The following DGKG variants were observed in gnomAD, a reference collection of about 807,000 sequenced individuals.
The protein encoded by DGKG is DAG kinase gamma.
DGKG carries 78 observed loss-of-function variants against 105.3 expected under a neutral mutation model. The ratio of observed to expected loss-of-function variants is 0.74; its 90% CI spans 0.62 to 0.89. The LOEUF (loss-of-function observed/expected upper bound fraction) is 0.89. Ranked by LOEUF, DGKG falls within the 40% of genes least tolerant of loss-of-function variation. DGKG has a pLI of 0.00. For synonymous variants in DGKG, 346 were observed against 367.1 expected (o/e 0.94, Z 0.66); for missense variants, 958 against 1,020.1 (o/e 0.94, Z 0.83).
At chr3:186,205,192 G>A (rs1378779183) in intron 21 of DGKG, among the ~76,000 whole-genome samples, 1 of 150,916 alleles carries the variant, frequency 6.6e-6, no homozygotes. Context: ...GGAAGGCAGA[G>A]GTTGCAGTGA....
At position 186,275,579 on chromosome 3, in the gene DGKG, A is replaced by C. The variant is rs1461874956; in HGVS notation, c.878T>G (p.Met293Arg). Reference protein sequence around the residue: ...TYCNFCHIMLMGVRKQGLCCT... With the variant: ...TYCNFCHIMLRGVRKQGLCCT... ...GCACAGGCCTTGCTTGCGGACGCCC[A>C]TGAGCATGATATGGCAGAAGTTGCA... The change falls in exon 10 of 25, where the codon ATG becomes AGG. Residue 293 changes from methionine to arginine, a missense_variant. Around this residue, in one of 2 missense-constraint regions of DGKG, gnomAD observed 643 missense variants for 619.5 expected, o/e 1.04. Coordinates refer to ENST00000265022, the MANE Select transcript of DGKG (RefSeq NM_001346.3). 1 of 1,614,272 alleles carries C rather than the reference A, an allele frequency of 6.2e-7. No homozygotes were observed. Among genetic ancestry groups the C allele is most frequent in the Non-Finnish European group, 8.5e-7 (1 of 1,180,042 alleles).
chr3:186,347,279 T>G (rs1421313514), intron 1 of DGKG, among the ~76,000 whole-genome samples: 1 of 151,592 alleles, frequency 6.6e-6, no homozygotes, highest in Non-Finnish European at 1.5e-5. Flanking sequence ...AAACCCTGTC[T>G]CTACTAAAAA....
At chr3:186,279,720 G>A in intron 9 of DGKG, 131 bp downstream of exon 9, 2 of 931,150 alleles carry the variant, frequency 2.1e-6, no homozygotes, top group Non-Finnish European at 1.6e-6. Flanking sequence ...AAATAGAGAG[G>A]ACTTTGGGGC....
intron 1 of DGKG, among the ~76,000 whole-genome samples, chr3:186,360,581 A>G (rs1005820575): frequency 6.6e-6 from 1 of 152,208 alleles, no homozygotes; most frequent in African/African-American, 2.4e-5. Context: ...TGAGAGGGAC[A>G]TAAAATATAA....
intron 20 of DGKG, among the ~76,000 whole-genome samples, chr3:186,241,674 G>A (rs1391002667): frequency 1.3e-5 from 2 of 152,142 alleles, no homozygotes; most frequent in Admixed American, 6.5e-5. Context: ...CCTACCTAGG[G>A]TTGGGGTGGG....
At chr3:186,268,959 C>G in intron 11 of DGKG, 42 bp from the exon 12 acceptor site, 3 of 1,450,474 alleles carry the variant, frequency 2.1e-6, no homozygotes, top group Non-Finnish European at 2.9e-6. Flanking sequence ...AATGGCAGAA[C>G]CATGTCCCCG....
At position 186,210,763 on chromosome 3, in the gene DGKG, G is replaced by C; in HGVS notation, c.1917+1032C>G. ...TAGAGGCCAAGCTGGTGGGCCAAGAGGAGCCCACCCTGGCTGAACTCTCTG... is the reference window on the plus strand; with the variant it reads ...TAGAGGCCAAGCTGGTGGGCCAAGACGAGCCCACCCTGGCTGAACTCTCTG... On this transcript the variant is annotated intron_variant, in intron 21 of 24. Transcript: ENST00000265022. The surrounding 1 kb of genome is among the most constrained non-coding windows in gnomAD (Gnocchi z 5.2). 5.8e-6 allele frequency: 2 copies of C among 344,380 alleles called. No individual in the cohort carries two copies. The highest frequency in any genetic ancestry group is 1.1e-5 in the Non-Finnish European group (2 of 175,588). 21.3% of individuals were successfully genotyped at this position (344,380 alleles called of 1,614,324 possible).
chr3:186,267,829 A>T lies in DGKG; in HGVS notation c.1117-52T>A, dbSNP rs768537374. The T allele has an allele frequency of 1.9e-6, 3 of 1,555,332 alleles. No individual in the cohort carries two copies. The East Asian group carries it at 6.7e-5, about 35-fold the overall frequency. On this transcript the variant is annotated intron_variant, in intron 12 of 24. Coordinates refer to ENST00000265022, the MANE Select transcript of DGKG (RefSeq NM_001346.3). ...GAGTGAAAGTGAGCAAAGAAACATC[A>T]AACATGAAGGTGGAGAGGTTTGGGG...
rs895583144 is a variant in DGKG, at chr3:186,147,527, G to A, written c.*2563C>T. 46 of 985,226 alleles carry A rather than the reference G, an allele frequency of 4.7e-5. No homozygotes were observed. The highest frequency in any genetic ancestry group is 5.3e-5 in the Non-Finnish European group (44 of 829,880). The allele number at this position is 985,226 out of a possible 1,614,324, so 61.0% of individuals were successfully genotyped here. A position where few individuals can be genotyped will look rare whatever the true frequency, so the allele number is the denominator to read the frequency against. ...AAACAACAACACAAGATTTACTAAG[G>A]TTACCAAACTGGAAGTGCAATTCCA... is the stretch of plus-strand genomic sequence containing the variant. On this transcript the variant is annotated 3_prime_UTR_variant, in exon 25 of 25. Coordinates refer to ENST00000265022, the MANE Select transcript of DGKG (RefSeq NM_001346.3).
At chr3:186,223,872 C>T (rs185272719) in intron 20 of DGKG, among the ~76,000 whole-genome samples, 24 of 152,296 alleles carry the variant, frequency 1.6e-4, no homozygotes, top group African/African-American at 5.8e-4. Context: ...CCTGCCCCAC[C>T]ATGTCTCTGA....
intron 6 of DGKG, among the ~76,000 whole-genome samples, chr3:186,286,314 T>A (rs1723067719): frequency 6.6e-6 from 1 of 152,192 alleles, no homozygotes; most frequent in Non-Finnish European, 1.5e-5. Context: ...AGGACAGACC[T>A]TTTCTGCTAG....
At chr3:186,246,221 C>T (rs1720935057) in intron 19 of DGKG, among the ~76,000 whole-genome samples, 1 of 152,220 alleles carries the variant, frequency 6.6e-6, no homozygotes, top group African/African-American at 2.4e-5. Context: ...ATCCACCCAC[C>T]TCAGCCTCCC....
intron 8 of DGKG, 122 bp downstream of exon 8, chr3:186,280,548 C>T (rs1722782409): frequency 4.4e-6 from 3 of 688,820 alleles, no homozygotes; most frequent in Admixed American, 5.4e-5. Flanking sequence ...TCCAAAGAAG[C>T]TGCCTATAAG....
chr3:186,150,333 T>C lies in DGKG; in HGVS notation c.2278-145A>G, dbSNP rs1003887484. ...CAACTGTCCTTGAACGGCTTCAAAA[T>C]TGGCAACTTGACCCTGACTGGGCCT... On this transcript the variant is annotated intron_variant, in intron 24 of 24. Transcript: ENST00000265022. The C allele has an allele frequency of 3.6e-6, 4 of 1,101,124 alleles. No individual in the cohort carries two copies. The African/African-American group carries it at 4.8e-5, about 13-fold the overall frequency. The allele number at this position is 1,101,124 out of a possible 1,614,324, so 68.2% of individuals were successfully genotyped here. A position where few individuals can be genotyped will look rare whatever the true frequency, so the allele number is the denominator to read the frequency against.
At chr3:186,295,662 G>C (rs1205619442) in intron 5 of DGKG, among the ~76,000 whole-genome samples, 1 of 60,418 alleles carries the variant, frequency 1.7e-5, no homozygotes, top group Non-Finnish European at 3.7e-5. Flanking sequence ...AAAAAAAAAG[G>C]TCTGACTCTC....
intron 5 of DGKG, among the ~76,000 whole-genome samples, chr3:186,296,762 G>T (rs966036643): frequency 6.6e-6 from 1 of 152,276 alleles, no homozygotes; most frequent in South Asian, 2.1e-4. Flanking sequence ...TCACACCAGT[G>T]GTATATAATC....
At chr3:186,350,551 G>A (rs1322506632) in intron 1 of DGKG, among the ~76,000 whole-genome samples, 1 of 152,174 alleles carries the variant, frequency 6.6e-6, no homozygotes. Context: ...TTATAAACAT[G>A]GATGTACAAG....
At position 186,268,786 on chromosome 3, in the gene DGKG, T is replaced by G; in HGVS notation, c.1116+15A>C. 2 of 1,590,748 alleles carry G rather than the reference T, an allele frequency of 1.3e-6. No individual in the cohort carries two copies. Among genetic ancestry groups the G allele is most frequent in the Non-Finnish European group, 1.7e-6 (2 of 1,160,028 alleles). On this transcript the variant is annotated intron_variant, in intron 12 of 24. Coordinates refer to ENST00000265022, the MANE Select transcript of DGKG (RefSeq NM_001346.3). ...ACGTTGAAAAGAAGCAGGGCCGCCC[T>G]GGGCGCCAACCCACCGTCATCCGGC...
At chr3:186,281,483 A>G (rs1367458104) in intron 7 of DGKG, among the ~76,000 whole-genome samples, 2 of 152,214 alleles carry the variant, frequency 1.3e-5, no homozygotes, top group South Asian at 4.1e-4. Context: ...CCATTTAGGC[A>G]CCAGTTAAGA....
Sources: gnomAD v4.1 joint callset for allele counts (sites outside exome capture counted in the v4.1 genomes callset) on GRCh38, gnomAD v4.1.1 for gene constraint, gnomAD v4.1.1 regional missense constraint, Gnocchi (gnomAD v3.1) non-coding constraint, MANE v1.5 for transcripts, NCBI Gene and HGNC (gene_info 2026-07-23, HGNC 2026-07-21) for gene names.